Variants in SP140 observed in about 807,000 individuals in gnomAD.
SP140 encodes SP140 nuclear body protein.
A neutral mutation model predicts 125.0 loss-of-function variants in SP140; 81 were observed. That is an observed-to-expected ratio of 0.65 (90% CI 0.54 to 0.78). The LOEUF is 0.78. SP140 is among the 30% of genes least tolerant of loss of function. The pLI is 0.00. For missense variants in SP140, 858 were observed against 1,037.0 expected (o/e 0.83, Z 2.37); for synonymous variants, 312 against 354.0 (o/e 0.88, Z 1.33).
rs1322760326 is a variant in SP140, at chr2:230,251,077, A to G, written c.1057+16A>G. The G allele has an allele frequency of 1.2e-6, 2 of 1,607,708 alleles. No individual in the cohort carries two copies. The highest frequency in any genetic ancestry group is 4.5e-5 in the East Asian group (2 of 44,840). The stretch of plus-strand genomic sequence containing the variant: ...TGTGGGTCAGGTAAAGAAGGGGAGG[A>G]TTTCTGGCCCTGGGCTGCAGAGTGT... On this transcript the variant is annotated intron_variant, in intron 10 of 26. Coordinates refer to ENST00000392045, the MANE Select transcript of SP140 (RefSeq NM_007237.5).
intron 16 of SP140, among the ~76,000 whole-genome samples, chr2:230,285,337 T>C (rs1972707): frequency 0.18 from 27,336 of 152,184 alleles, 2,708 homozygotes; most frequent in South Asian, 0.24. Context: ...TAGAGTCCTA[T>C]TGAAAGTTAT....
At chr2:230,292,836 A>G (rs1487805256) in intron 20 of SP140, 48 bp downstream of exon 20, 24 of 1,610,522 alleles carry the variant, frequency 1.5e-5, no homozygotes, top group Non-Finnish European at 2.0e-5. Flanking sequence ...TTGTTCCCTA[A>G]TAATGAGGAG....
Position 230,212,742 on chromosome 2 carries a change from G to T in SP140, c.-322-912G>T, listed in dbSNP as rs199743792. 15 of 1,613,740 alleles carry T rather than the reference G, an allele frequency of 9.3e-6. No individual in the cohort carries two copies. In the East Asian group the frequency reaches 3.1e-4, roughly 34 times the overall value. The stretch of plus-strand genomic sequence containing the variant: ...TTAGGCTGAGGATATACAGGTGTTG[G>T]ATGGGATCTGTTTCTCACCTGAAGT... On this transcript the variant is annotated intron_variant, in intron 1 of 4. Coordinates refer to the SP140 transcript ENST00000456542.
intron 4 of SP140, among the ~76,000 whole-genome samples, chr2:230,243,046 C>T (rs182282688): frequency 6.6e-6 from 1 of 152,312 alleles, no homozygotes; most frequent in Non-Finnish European, 1.5e-5. Flanking sequence ...CATCCAAAGG[C>T]ATCCACAATG....
At chr2:230,298,057 G>A (rs2149525607) in intron 22 of SP140, among the ~76,000 whole-genome samples, 1 of 152,282 alleles carries the variant, frequency 6.6e-6, no homozygotes, top group South Asian at 2.1e-4. Context: ...TGCTGAGCTG[G>A]TTAGGACTGA....
At chr2:230,247,468 T>C (rs1367480010) in intron 7 of SP140, among the ~76,000 whole-genome samples, 1 of 152,166 alleles carries the variant, frequency 6.6e-6, no homozygotes, top group Non-Finnish European at 1.5e-5. Flanking sequence ...CACCTGTCCA[T>C]TTCCTTCCAC....
chr2:230,246,092 TC>T lies in SP140; in HGVS notation c.742+154del. 6.5e-6 allele frequency: 4 copies of T among 616,772 alleles called. No individual in the cohort carries two copies. In the South Asian group the frequency reaches 7.3e-5, roughly 11 times the overall value. 38.2% of individuals were successfully genotyped at this position (616,772 alleles called of 1,614,324 possible). A position where few individuals can be genotyped will look rare whatever the true frequency, so the allele number is the denominator to read the frequency against. On this transcript the variant is annotated intron_variant, in intron 7 of 26. Transcript: ENST00000392045. ...ATCCATCCATCCATATATCCATCCA[TC>T]CATCTGTATATTCATCTGTCCATCC... is the stretch of plus-strand genomic sequence containing the variant.
chr2:230,310,176 G>A (rs2059205698), intron 23 of SP140, 137 bp downstream of exon 23: 3 of 768,422 alleles, frequency 3.9e-6, no homozygotes, highest in African/African-American at 1.7e-5. Context: ...CCAGCAGTGT[G>A]ATCCAGAGAG....
intron 3 of SP140, among the ~76,000 whole-genome samples, chr2:230,214,609 C>T (rs982377300): frequency 6.6e-6 from 1 of 152,246 alleles, no homozygotes; most frequent in African/African-American, 2.4e-5. Context: ...TCCTCCCTGG[C>T]TCTCCTTGTC....
At chr2:230,212,391 T>C in intron 1 of SP140, 1 of 1,613,606 alleles carries the variant, frequency 6.2e-7, no homozygotes, top group Non-Finnish European at 8.5e-7. Context: ...TTCTGAGTCT[T>C]CTTCCGCATT....
At chr2:230,219,428 C>G (rs2045591954) in intron 3 of SP140, 1 of 152,086 alleles carries the variant, frequency 6.6e-6, no homozygotes, top group Non-Finnish European at 1.5e-5. Context: ...TTTGAATTTC[C>G]ACTTCTAATA....
chr2:230,188,910 A>G, the SP140 span, among the ~76,000 whole-genome samples: 1 of 151,922 alleles, frequency 6.6e-6, no homozygotes, highest in Non-Finnish European at 1.5e-5. Context: ...CATGGTTTCT[A>G]TTTATTCCCA....
intron 15 of SP140, among the ~76,000 whole-genome samples, chr2:230,283,231 A>T (rs372920518): frequency 5.9e-5 from 9 of 152,142 alleles, no homozygotes; most frequent in African/African-American, 1.9e-4. Context: ...GATATCACCA[A>T]TGCTCCTGTT....
chr2:230,308,531 C>T (rs1209056965), intron 22 of SP140, among the ~76,000 whole-genome samples: 1 of 152,216 alleles, frequency 6.6e-6, no homozygotes, highest in African/African-American at 2.4e-5. Flanking sequence ...GTCACATTTA[C>T]TCGGTAGCCC....
At chr2:230,289,978 G>C (rs1173266069) in intron 18 of SP140, among the ~76,000 whole-genome samples, 1 of 152,122 alleles carries the variant, frequency 6.6e-6, no homozygotes, top group Non-Finnish European at 1.5e-5. Context: ...CTAAAGGAGA[G>C]AACAAAAATA....
At chr2:230,266,928 C>A (rs529260227) in intron 12 of SP140, among the ~76,000 whole-genome samples, 2 of 152,196 alleles carry the variant, frequency 1.3e-5, no homozygotes, top group Admixed American at 1.3e-4. Context: ...ATTAGTCTCT[C>A]TTAAGGACAG....
At chr2:230,205,509 T>C (rs2043671927) in intron 1 of SP140, among the ~76,000 whole-genome samples, 1 of 152,212 alleles carries the variant, frequency 6.6e-6, no homozygotes, top group Admixed American at 6.5e-5. Context: ...ATGTGCTTTC[T>C]AGTTTATATT....
rs1194787310 is a variant in SP140 at position 230,211,497 on chromosome 2, G to A, written c.-322-2157G>A. 3 of 1,608,750 alleles carry A rather than the reference G, an allele frequency of 1.9e-6. No individual in the cohort carries two copies. Among genetic ancestry groups the A allele is most frequent in the East Asian group, 2.2e-5 (1 of 44,870 alleles). On this transcript the variant is annotated intron_variant, in intron 1 of 4. Transcript: ENST00000456542. This position sits in a 1 kb window ranked among gnomAD's most constrained non-coding sequence, Gnocchi z 4.2. ...GGCATAGAGCCCAAGGGAGAGTGGG[G>A]CATCTCTTGAGGGTCTTCTTTATCT...
At chr2:230,205,769 C>A (rs1438624922) in intron 1 of SP140, among the ~76,000 whole-genome samples, 1 of 152,150 alleles carries the variant, frequency 6.6e-6, no homozygotes, top group Non-Finnish European at 1.5e-5. Flanking sequence ...GACTTGCAAA[C>A]AAAGACGCCC....
Sources: gnomAD v4.1 joint callset for allele counts (sites outside exome capture counted in the v4.1 genomes callset) on GRCh38, gnomAD v4.1.1 for gene constraint, Gnocchi (gnomAD v3.1) non-coding constraint, MANE v1.5 for transcripts, NCBI Gene and HGNC (gene_info 2026-07-23, HGNC 2026-07-21) for gene names.